The following ROBO2 variants were observed in gnomAD, a reference collection of about 807,000 sequenced individuals.
ROBO2 encodes roundabout homolog 2.
Under a neutral mutation model 160.8 loss-of-function variants are expected in ROBO2, and 53 were observed. The ratio of observed to expected loss-of-function variants is 0.33; its 90% confidence interval spans 0.26 to 0.41. The LOEUF is 0.41. ROBO2 is among the 10% of genes least tolerant of loss of function. The pLI, the probability that ROBO2 is intolerant of heterozygous loss-of-function variation, is 1.00. For synonymous variants in ROBO2, 664 were observed against 611.7 expected, an observed-to-expected ratio of 1.09 and a Z score of -1.26; for missense variants, 1,577 against 1,722.4, an observed-to-expected ratio of 0.92 and a Z score of 1.49.
intron 2 of ROBO2, among the ~76,000 whole-genome samples, chr3:77,233,022 T>C (rs1580228877): frequency 6.6e-6 from 1 of 152,294 alleles, no homozygotes; most frequent in African/African-American, 2.4e-5. Context: ...TTATTGTGTA[T>C]GAAACTAGTG....
At chr3:76,107,147 G>A (rs1013025693) in intron 2 of ROBO2, among the ~76,000 whole-genome samples, 1 of 152,204 alleles carries the variant, frequency 6.6e-6, no homozygotes, top group African/African-American at 2.4e-5. Context: ...GTTATCTCCA[G>A]TTTAGAGGAA....
chr3:77,453,536 A>G (rs1458336434), intron 2 of ROBO2, among the ~76,000 whole-genome samples: 1 of 152,134 alleles, frequency 6.6e-6, no homozygotes, highest in African/African-American at 2.4e-5. Context: ...TGATTTCCTC[A>G]ATTTACAGAT....
At chr3:76,283,136 G>GTGTATATATATATATATATATATATATA (rs1553695787) in intron 2 of ROBO2, among the ~76,000 whole-genome samples, 7 of 63,538 alleles carry the variant, frequency 1.1e-4, no homozygotes, top group African/African-American at 1.8e-4. Context: ...ATATAAAACT[G>GTGTATATATATATATATATATATATATA]TATATATATA....
intron 2 of ROBO2, among the ~76,000 whole-genome samples, chr3:76,668,684 G>A (rs1295032735): frequency 6.6e-6 from 1 of 151,918 alleles, no homozygotes. Context: ...CCCACAATTA[G>A]GATGTGTTTT....
chr3:76,333,159 T>C (rs2073618092), intron 2 of ROBO2, among the ~76,000 whole-genome samples: 1 of 152,202 alleles, frequency 6.6e-6, no homozygotes, highest in Non-Finnish European at 1.5e-5. Flanking sequence ...ATAACAGCCC[T>C]GTGACCTTGG....
At chr3:76,458,908 TGTGGGA>T (rs2077930585) in intron 2 of ROBO2, among the ~76,000 whole-genome samples, 1 of 152,100 alleles carries the variant, frequency 6.6e-6, no homozygotes, top group African/African-American at 2.4e-5. Context: ...TCTCACAGCA[TGTGGGA>T]ATTCTGGGAG....
rs1232407530 is a variant in ROBO2, at chr3:76,924,127, A to ACAT, written c.110-173884_110-173882dup. On this transcript the variant is annotated intron_variant, in intron 2 of 26. Coordinates refer to the ROBO2 transcript ENST00000487694. ...AATTTCATCTAAACAGGTTTTTATC[A>ACAT]CATCAACTACAATAGACCTATATCT... Among the ~76,000 whole-genome samples the ACAT allele has an allele frequency of 2.6e-5, 4 of 152,312 alleles. No homozygotes were observed. The East Asian group carries it at 7.7e-4, about 29-fold the overall frequency.
At chr3:77,415,800 G>A (rs548343045) in intron 2 of ROBO2, among the ~76,000 whole-genome samples, 1 of 152,062 alleles carries the variant, frequency 6.6e-6, no homozygotes, top group Admixed American at 6.5e-5. Flanking sequence ...TTCCCAGGGA[G>A]TCCCCAGGTT....
chr3:76,194,737 A>C (rs1702180824), intron 2 of ROBO2, among the ~76,000 whole-genome samples: 1 of 151,676 alleles, frequency 6.6e-6, no homozygotes, highest in African/African-American at 2.4e-5. Context: ...CTCCTGCCTC[A>C]GCCTCCTGAG....
At chr3:76,523,665 T>C (rs952779409) in intron 2 of ROBO2, among the ~76,000 whole-genome samples, 1 of 152,136 alleles carries the variant, frequency 6.6e-6, no homozygotes, top group East Asian at 1.9e-4. Context: ...TCAGTCTTCA[T>C]ACTTTCTCTA....
At chr3:76,337,285 A>T (rs2108113436) in intron 2 of ROBO2, among the ~76,000 whole-genome samples, 1 of 152,292 alleles carries the variant, frequency 6.6e-6, no homozygotes, top group Non-Finnish European at 1.5e-5. Flanking sequence ...CTCTGTATAC[A>T]CTAGAAAATA....
At chr3:77,382,668 G>T (rs1560682203) in intron 2 of ROBO2, among the ~76,000 whole-genome samples, 1 of 152,156 alleles carries the variant, frequency 6.6e-6, no homozygotes, top group Non-Finnish European at 1.5e-5. Context: ...AGAACATACA[G>T]TGTTTGGTTT....
intron 2 of ROBO2, among the ~76,000 whole-genome samples, chr3:77,442,040 C>T (rs966634945): frequency 3.9e-5 from 6 of 152,132 alleles, no homozygotes; most frequent in African/African-American, 7.2e-5. Flanking sequence ...CGGCCGGGCG[C>T]GGTGGCTCAC....
chr3:76,463,402 AT>A (rs2078193286), intron 2 of ROBO2, among the ~76,000 whole-genome samples: 1 of 151,656 alleles, frequency 6.6e-6, no homozygotes, highest in South Asian at 2.1e-4. Context: ...AAAAACTATA[AT>A]TTTCATGCTG....
intron 2 of ROBO2, among the ~76,000 whole-genome samples, chr3:76,496,813 C>T (rs2080175489): frequency 6.6e-6 from 1 of 152,160 alleles, no homozygotes; most frequent in Non-Finnish European, 1.5e-5. Context: ...AATCTGACCA[C>T]TTCTCATCAA....
intron 1 of ROBO2, among the ~76,000 whole-genome samples, chr3:75,910,511 C>G (rs535231518): frequency 6.6e-6 from 1 of 152,030 alleles, no homozygotes; most frequent in Admixed American, 6.6e-5. Context: ...GATTGAACAT[C>G]CTAAGTTCTA....
chr3:76,639,592 C>A (rs2090541485), intron 2 of ROBO2, among the ~76,000 whole-genome samples: 1 of 152,056 alleles, frequency 6.6e-6, no homozygotes, highest in African/African-American at 2.4e-5. Flanking sequence ...TTTCTACTTT[C>A]CCTAACAGAC....
At chr3:77,133,472 T>C (rs1215813890) in intron 2 of ROBO2, among the ~76,000 whole-genome samples, 1 of 152,186 alleles carries the variant, frequency 6.6e-6, no homozygotes, top group Non-Finnish European at 1.5e-5. Context: ...AAAGAAATCT[T>C]GACATTATAT....
intron 2 of ROBO2, among the ~76,000 whole-genome samples, chr3:76,566,263 C>T (rs2084513565): frequency 6.6e-6 from 1 of 152,108 alleles, no homozygotes; most frequent in South Asian, 2.1e-4. Flanking sequence ...GTTATTTGCT[C>T]AATGTTGAAG....
Sources: allele counts gnomAD v4.1 joint callset (sites outside exome capture counted in the v4.1 genomes callset), GRCh38; gene constraint gnomAD v4.1.1; transcripts MANE v1.5; gene names NCBI Gene and HGNC (gene_info 2026-07-23, HGNC 2026-07-21).